Variants in PDE1B observed in about 807,000 individuals in gnomAD.
The protein encoded by PDE1B is dual specificity calcium/calmodulin-dependent 3',5'-cyclic nucleotide phosphodiesterase 1B.
PDE1B carries 13 observed loss-of-function variants against 66.7 expected under a neutral mutation model. That is an observed-to-expected ratio of 0.19 (90% CI 0.13 to 0.31). The LOEUF is 0.31. Among genes scored for constraint, PDE1B ranks in the 10% least tolerant of loss-of-function variants. The probability of loss-of-function intolerance (pLI) is 1.00; values close to 1 mark genes in which losing one functional copy is unlikely to be tolerated. For synonymous variants in PDE1B, 230 were observed against 253.9 expected, an observed-to-expected ratio of 0.91 and a Z score of 0.90; for missense variants, 485 against 682.3, an observed-to-expected ratio of 0.71 and a Z score of 3.22.
intron 2 of PDE1B, among the ~76,000 whole-genome samples, chr12:54,550,730 G>C (rs1427148606): frequency 2.6e-5 from 4 of 152,178 alleles, no homozygotes; most frequent in Non-Finnish European, 5.9e-5. Flanking sequence ...GGGTCTTCCA[G>C]GATCTCCAAG....
chr12:54,560,913 G>A (rs984035439), intron 2 of PDE1B, among the ~76,000 whole-genome samples: 1 of 152,036 alleles, frequency 6.6e-6, no homozygotes, highest in Non-Finnish European at 1.5e-5. Flanking sequence ...CTCTGCTTGC[G>A]GGTGGAGGGC....
rs754034307 is a variant in PDE1B, at chr12:54,572,593, C to G, written c.595-8C>G. 57 of 1,612,808 alleles carry G rather than the reference C, an allele frequency of 3.5e-5. No homozygotes were observed. Among genetic ancestry groups the G allele is most frequent in the Non-Finnish European group, 4.6e-5 (54 of 1,178,864 alleles). ...TGATATATCTCCATTTCCCCTAACT[C>G]CCCGCAGATTCCCACTGTGTTTTTG... is the stretch of plus-strand genomic sequence containing the variant. On this transcript the variant is annotated splice_polypyrimidine_tract_variant and splice_region_variant and intron_variant, in intron 6 of 15. Coordinates refer to ENST00000243052, the MANE Select transcript of PDE1B (RefSeq NM_000924.4).
intron 2 of PDE1B, among the ~76,000 whole-genome samples, chr12:54,566,361 G>A (rs1957516012): frequency 6.6e-6 from 1 of 152,168 alleles, no homozygotes. Context: ...ATGGATTCTG[G>A]AATCATAATC....
chr12:54,570,463 C>G (rs969995373), intron 6 of PDE1B, 106 bp downstream of exon 6: 9 of 744,298 alleles, frequency 1.2e-5, no homozygotes, highest in Non-Finnish European at 2.2e-5. Flanking sequence ...CTCACTCAGT[C>G]TCAACATCAG....
intron 2 of PDE1B, among the ~76,000 whole-genome samples, chr12:54,558,460 A>G (rs552035747): frequency 3.0e-4 from 45 of 151,242 alleles, no homozygotes; most frequent in Non-Finnish European, 6.3e-4. Context: ...GGCTATTTTT[A>G]TCTGTGGAGC....
Position 54,573,312 on chromosome 12 carries a change from C to T in PDE1B, c.837-43C>T, listed in dbSNP as rs373562615. ...GAGGAGGTGGGGAGGTTGCCGGAGTCCCTCCTTACAGGGGGTGGTCATGAT... is the reference window on the plus strand; with the variant it reads ...GAGGAGGTGGGGAGGTTGCCGGAGTTCCTCCTTACAGGGGGTGGTCATGAT... On this transcript the variant is annotated intron_variant, in intron 8 of 15. Coordinates refer to ENST00000243052, the MANE Select transcript of PDE1B (RefSeq NM_000924.4). The surrounding 1 kb of genome is among the most constrained non-coding windows in gnomAD (Gnocchi z 5.2). The T allele has an allele frequency of 3.5e-4, 571 of 1,613,692 alleles. 3 individuals carry two copies. The highest frequency in any genetic ancestry group is 1.1e-3 in the South Asian group (98 of 91,066).
chr12:54,558,328 C>T (rs775438774), intron 2 of PDE1B, among the ~76,000 whole-genome samples: 1 of 152,182 alleles, frequency 6.6e-6, no homozygotes, highest in African/African-American at 2.4e-5. Flanking sequence ...AGGGCCTGCC[C>T]CATTCCCTTT....
chr12:54,551,279 A>T (rs1957274212), intron 2 of PDE1B, among the ~76,000 whole-genome samples: 1 of 152,106 alleles, frequency 6.6e-6, no homozygotes, highest in Non-Finnish European at 1.5e-5. Flanking sequence ...CTACTTGGAG[A>T]GGCGTTAGGG....
At chr12:54,561,617 C>A (rs1363432702) in intron 2 of PDE1B, 1 of 1,532,634 alleles carries the variant, frequency 6.5e-7, no homozygotes, top group Admixed American at 2.0e-5. Context: ...AGAGGAGCCA[C>A]CTCCAGGGCC....
Position 54,573,558 on chromosome 12 carries a change from G to T in PDE1B, c.963-50G>T, listed in dbSNP as rs779126666. On this transcript the variant is annotated intron_variant, in intron 9 of 15. Coordinates refer to ENST00000243052, the MANE Select transcript of PDE1B (RefSeq NM_000924.4). This position sits in a 1 kb window ranked among gnomAD's most constrained non-coding sequence, Gnocchi z 5.2. ...CCATTTTCCACTTCCTGGACCTCCT[G>T]CCCAGCAGCGCTGAGGGGACTGATT... The T allele has an allele frequency of 3.6e-5, 58 of 1,610,666 alleles. No individual in the cohort carries two copies. Among genetic ancestry groups the T allele is most frequent in the Admixed American group, 1.8e-4 (11 of 60,006 alleles).
chr12:54,577,216 C>T lies in PDE1B; in HGVS notation c.1508-9C>T, dbSNP rs375119125. 28 of 1,610,922 alleles carry T rather than the reference C, an allele frequency of 1.7e-5. No individual in the cohort carries two copies. The African/African-American group carries it at 2.3e-4, about 13-fold the overall frequency. On this transcript the variant is annotated splice_polypyrimidine_tract_variant and intron_variant, in intron 14 of 15. Coordinates refer to ENST00000243052, the MANE Select transcript of PDE1B (RefSeq NM_000924.4). ...GCCTAAGCTCAGCCTCCTTTATGCT[C>T]CTCTACAGGCATCACCAACCAGATG...
Position 54,569,223 on chromosome 12 carries a change from G to A in PDE1B, c.267G>A (p.Arg89=). ...CGGAGGACGAGCTGCAGGAGCTGCG[G>A]TCAGATGCCGTGCCTTCGGAGGTGC... ...LDTEDELQEL[R]SDAVPSEVRD... The change falls in exon 4 of 16, where the codon CGG becomes CGA. Residue 89 remains arginine (R), a synonymous_variant. Transcript: ENST00000243052. This position sits in a 1 kb window ranked among gnomAD's most constrained non-coding sequence, Gnocchi z 4.4. The A allele has an allele frequency of 6.2e-7, 1 of 1,612,196 alleles. No homozygotes were observed. The highest frequency in any genetic ancestry group is 1.1e-5 in the South Asian group (1 of 90,908).
chr12:54,575,509 G>A lies in PDE1B; in HGVS notation c.1186-42G>A. ...CCTGTACCCCAGATCTGGTAGGTCT[G>A]AGGTATCCTCTCCAGCTTTCCTACC... On this transcript the variant is annotated intron_variant, in intron 11 of 15. Transcript: ENST00000243052. The surrounding 1 kb of genome is among the most constrained non-coding windows in gnomAD (Gnocchi z 4.0). 2 of 1,421,900 alleles carry A rather than the reference G, an allele frequency of 1.4e-6. No homozygotes were observed. Among genetic ancestry groups the A allele is most frequent in the African/African-American group, 1.4e-5 (1 of 71,108 alleles). 88.1% of individuals were successfully genotyped at this position (1,421,900 alleles called of 1,614,324 possible).
Position 54,575,922 on chromosome 12 carries a change from C to CA in PDE1B, c.1268-69dup, listed in dbSNP as rs1957732745. The CA allele has an allele frequency of 3.4e-6, 4 of 1,159,892 alleles. No individual in the cohort carries two copies. The Admixed American group carries it at 5.1e-5, about 15-fold the overall frequency. The allele number at this position is 1,159,892 out of a possible 1,614,324, so 71.9% of individuals were successfully genotyped here. On this transcript the variant is annotated intron_variant, in intron 12 of 15. Transcript: ENST00000243052. This position sits in a 1 kb window ranked among gnomAD's most constrained non-coding sequence, Gnocchi z 4.0. ...AAGCAGCCAGGGGTCCTGGCCATGCCAGCTGCATGCTCTGCCTAGCCCTCC... is the reference window on the plus strand; with the variant it reads ...AAGCAGCCAGGGGTCCTGGCCATGCCAAGCTGCATGCTCTGCCTAGCCCTCC...
rs905800295 is a variant in PDE1B, at chr12:54,573,108, G to A, written c.736-40G>A. On this transcript the variant is annotated intron_variant, in intron 7 of 15. Transcript: ENST00000243052. The surrounding 1 kb of genome is among the most constrained non-coding windows in gnomAD (Gnocchi z 5.2). ...GGAGGTTCCTGGGAAGTGACCAGCA[G>A]GCGTCACCCCTCTCTCATTCTTTCT... 6.9e-7 allele frequency: 1 copy of A among 1,447,150 alleles called. No homozygotes were observed. The highest frequency in any genetic ancestry group is 9.7e-7 in the Non-Finnish European group (1 of 1,028,078). 89.6% of individuals were successfully genotyped at this position (1,447,150 alleles called of 1,614,324 possible). A position where few individuals can be genotyped will look rare whatever the true frequency, so the allele number is the denominator to read the frequency against.
intron 2 of PDE1B, among the ~76,000 whole-genome samples, chr12:54,551,947 G>A (rs1203359762): frequency 2.0e-5 from 3 of 152,304 alleles, no homozygotes; most frequent in African/African-American, 7.2e-5. Context: ...CCTTAAGAAT[G>A]CTAGCTTTGT....
intron 2 of PDE1B, chr12:54,561,528 CCCTGGGGCT>C: frequency 6.9e-7 from 1 of 1,457,972 alleles, no homozygotes; most frequent in Non-Finnish European, 9.1e-7. Flanking sequence ...CTCTTGGGGG[CCCTGGGGCT>C]CCTGGGGTCA....
At chr12:54,553,694 G>T (rs1565690747) in intron 2 of PDE1B, among the ~76,000 whole-genome samples, 1 of 152,172 alleles carries the variant, frequency 6.6e-6, no homozygotes, top group Non-Finnish European at 1.5e-5. Flanking sequence ...GCGGGGGGAG[G>T]AGTAGGAAAT....
rs548338452 is a variant in PDE1B, at chr12:54,575,755, G to A, written c.1267+123G>A. On this transcript the variant is annotated intron_variant, in intron 12 of 15. Transcript: ENST00000243052. This position sits in a 1 kb window ranked among gnomAD's most constrained non-coding sequence, Gnocchi z 4.0. The stretch of plus-strand genomic sequence containing the variant: ...CTTCCTGTAGAGGAAAGCCTACTGT[G>A]CTAGAGCATGGGGTCCTGGGTTAGG... 1 of 825,374 alleles carries A rather than the reference G, an allele frequency of 1.2e-6. No individual in the cohort carries two copies. Among genetic ancestry groups the A allele is most frequent in the African/African-American group, 1.7e-5 (1 of 60,436 alleles). 51.1% of individuals were successfully genotyped at this position (825,374 alleles called of 1,614,324 possible).
Sources: allele counts gnomAD v4.1 joint callset (sites outside exome capture counted in the v4.1 genomes callset), GRCh38; gene constraint gnomAD v4.1.1; non-coding constraint Gnocchi (gnomAD v3.1); transcripts MANE v1.5; gene names NCBI Gene and HGNC (gene_info 2026-07-23, HGNC 2026-07-21).